The following KIAA1671 variants were observed in gnomAD, a reference collection of about 807,000 sequenced individuals.
The protein encoded by KIAA1671 is uncharacterized protein KIAA1671.
In KIAA1671, 52 loss-of-function variants were observed where a neutral mutation model predicts 131.2. The ratio of observed to expected loss-of-function variants is 0.40; its 90% CI spans 0.32 to 0.50. The LOEUF (loss-of-function observed/expected upper bound fraction) is 0.50, where lower values mean the gene tolerates loss of function less well. Ranked by LOEUF, KIAA1671 falls within the 20% of genes least tolerant of loss-of-function variation. KIAA1671 has a pLI of 0.73. For missense variants in KIAA1671, 2,360 were observed against 2,364.2 expected (o/e 1.00, Z 0.04); for synonymous variants, 1,003 against 961.6 (o/e 1.04, Z -0.80).
chr22:25,000,524 G>A (rs1924404337), intron 1 of KIAA1671, among the ~76,000 whole-genome samples: 2 of 137,950 alleles, frequency 1.4e-5, no homozygotes, highest in East Asian at 2.2e-4. Flanking sequence ...TGTAGCTTTC[G>A]ATGTTGTTGT....
chr22:25,105,920 G>A (rs1412798613), intron 6 of KIAA1671, among the ~76,000 whole-genome samples: 1 of 152,082 alleles, frequency 6.6e-6, no homozygotes, highest in African/African-American at 2.4e-5. Context: ...TAAAATGTGA[G>A]TGATAACCAT....
intron 6 of KIAA1671, among the ~76,000 whole-genome samples, chr22:25,154,675 C>G (rs1933167991): frequency 6.6e-6 from 1 of 152,206 alleles, no homozygotes; most frequent in Non-Finnish European, 1.5e-5. Flanking sequence ...TCCCCCTTTC[C>G]CTGGGGTGGG....
At chr22:24,975,285 C>G (rs117411334) in intron 1 of KIAA1671, among the ~76,000 whole-genome samples, 2,249 of 151,448 alleles carry the variant, frequency 0.015, 34 homozygotes, top group Admixed American at 0.023. Context: ...TGAGGTCATT[C>G]ATGTCATAAC....
chr22:25,157,777 T>C (rs1246865753), intron 6 of KIAA1671, among the ~76,000 whole-genome samples: 1 of 152,112 alleles, frequency 6.6e-6, no homozygotes, highest in African/African-American at 2.4e-5. Context: ...CACCCCAGTT[T>C]CACTGTCAGC....
At chr22:24,987,171 A>ATT (rs772183225) in intron 1 of KIAA1671, among the ~76,000 whole-genome samples, 2 of 146,778 alleles carry the variant, frequency 1.4e-5, no homozygotes, top group African/African-American at 2.5e-5. Flanking sequence ...TATTATTATT[A>ATT]TTTTTTTTTT....
chr22:25,169,472 C>T (rs1293051834), intron 6 of KIAA1671, among the ~76,000 whole-genome samples: 1 of 149,730 alleles, frequency 6.7e-6, no homozygotes, highest in Non-Finnish European at 1.5e-5. Flanking sequence ...AGCTTCAAAG[C>T]TCAGGCAGCC....
intron 4 of KIAA1671, among the ~76,000 whole-genome samples, chr22:25,033,354 C>T (rs916647795): frequency 1.3e-5 from 2 of 152,078 alleles, no homozygotes; most frequent in East Asian, 1.9e-4. Context: ...CATGCCACTG[C>T]ACTCTAGCCT....
chr22:24,954,132 C>T (rs1921567925), intron 1 of KIAA1671, among the ~76,000 whole-genome samples: 2 of 152,110 alleles, frequency 1.3e-5, no homozygotes, highest in South Asian at 2.1e-4. Context: ...CTTTTGAAAC[C>T]GCAGGATTAG....
chr22:25,160,808 A>G (rs1379195064), intron 6 of KIAA1671, among the ~76,000 whole-genome samples: 1 of 152,182 alleles, frequency 6.6e-6, no homozygotes, highest in East Asian at 1.9e-4. Flanking sequence ...ACTTTCCCTA[A>G]GAAGTGCCAT....
intron 6 of KIAA1671, among the ~76,000 whole-genome samples, chr22:25,146,220 C>T (rs12627872): frequency 0.027 from 4,072 of 152,246 alleles, 130 homozygotes; most frequent in East Asian, 0.16. Context: ...AGAGGTTTAT[C>T]GAGTTGCCCA....
chr22:25,062,540 T>G (rs1282752420), intron 6 of KIAA1671: 1 of 152,278 alleles, frequency 6.6e-6, no homozygotes, highest in Admixed American at 6.5e-5. Context: ...ACATTTCCTG[T>G]CAGTGGGCTC....
chr22:25,041,289 A>C lies in KIAA1671; in HGVS notation c.4159A>C (p.Ser1387Arg). 6.4e-7 allele frequency: 1 copy of C among 1,551,716 alleles called. No homozygotes were observed. Among genetic ancestry groups the C allele is most frequent in the African/African-American group, 1.4e-5 (1 of 73,166 alleles). The change falls in exon 5 of 13, where the codon AGT (serine) becomes CGT (arginine). Residue 1387 changes from serine (S) to arginine (R), a missense_variant. Transcript: ENST00000358431. ...ATCCACCGGGCGGGGAGAGGAGGAC[A>C]GTGTGGCCCAGTGGGGTGACCACCC... ...RKSTGRGEED[S>R]VAQWGDHPRD...
chr22:24,996,828 G>A (rs556860806), intron 1 of KIAA1671, among the ~76,000 whole-genome samples: 100 of 152,300 alleles, frequency 6.6e-4, no homozygotes, highest in Non-Finnish European at 1.2e-3. Flanking sequence ...ACTGTAAACT[G>A]AGCAGACAAC....
chr22:25,133,965 G>A (rs1932563975), intron 6 of KIAA1671, among the ~76,000 whole-genome samples: 1 of 152,208 alleles, frequency 6.6e-6, no homozygotes, highest in African/African-American at 2.4e-5. Context: ...AGGGCCTTGA[G>A]ATTCCACAAG....
At position 25,021,869 on chromosome 22, in the gene KIAA1671, C is replaced by A. The variant is rs1003787572; in HGVS notation, c.-207-3764C>A. Among the ~76,000 whole-genome samples the A allele has an allele frequency of 1.6e-4, 24 of 152,048 alleles. No individual in the cohort carries two copies. The East Asian group carries it at 2.1e-3, about 14-fold the overall frequency. Reference sequence around the variant, plus strand: ...TGGTGCGATCTCAGCTCCCTGCAAGCTCCACCTCCCGGGTTCACGCCATTC... The same window carrying A: ...TGGTGCGATCTCAGCTCCCTGCAAGATCCACCTCCCGGGTTCACGCCATTC... On this transcript the variant is annotated intron_variant, in intron 1 of 12. Transcript: ENST00000358431.
Position 25,039,802 on chromosome 22 carries a change from C to T in KIAA1671, c.2672C>T (p.Thr891Met), listed in dbSNP as rs773101903. The T allele has an allele frequency of 8.8e-4, 1,344 of 1,519,128 alleles. 5 individuals are homozygous for T. Among genetic ancestry groups the T allele is most frequent in the Non-Finnish European group, 1.0e-3 (1,128 of 1,128,820 alleles). 94.1% of individuals were successfully genotyped at this position (1,519,128 alleles called of 1,614,324 possible). ...GCPLDPLSRA[T>M]NGPSDSQART... ...CCCCTCGATCCTCTTTCCAGGGCTACGAATGGGCCTTCTGACTCCCAAGCA... is the reference window on the plus strand; with the variant it reads ...CCCCTCGATCCTCTTTCCAGGGCTATGAATGGGCCTTCTGACTCCCAAGCA... Residue 891 changes from threonine (T) to methionine (M), a missense_variant, in exon 5 of 13, where the codon ACG becomes ATG. Thr to Met is a moderately conservative substitution (Grantham distance 81). Transcript: ENST00000358431.
At chr22:25,083,255 G>A (rs535748426) in intron 6 of KIAA1671, among the ~76,000 whole-genome samples, 111 of 152,244 alleles carry the variant, frequency 7.3e-4, no homozygotes, top group Non-Finnish European at 1.3e-3. Context: ...TTCCCTCTGC[G>A]TGTGTGGGCT....
chr22:25,004,676 G>C (rs1016508297), intron 1 of KIAA1671, among the ~76,000 whole-genome samples: 2 of 152,160 alleles, frequency 1.3e-5, no homozygotes, highest in Non-Finnish European at 2.9e-5. Context: ...GCTGGGCGCG[G>C]TGACTCACGC....
intron 5 of KIAA1671, 131 bp from the exon 6 acceptor site, chr22:25,049,099 T>C: frequency 9.0e-7 from 1 of 1,113,562 alleles, no homozygotes; most frequent in African/African-American, 1.6e-5. Context: ...ATCATTAAAG[T>C]GGGGGATTTC....
Sources: allele counts gnomAD v4.1 joint callset (sites outside exome capture counted in the v4.1 genomes callset), GRCh38; gene constraint gnomAD v4.1.1; transcripts MANE v1.5; gene names NCBI Gene and HGNC (gene_info 2026-07-23, HGNC 2026-07-21).